The following AFF3 variants were observed in gnomAD, a reference collection of about 807,000 sequenced individuals.
AFF3 encodes AF4/FMR2 family member 3.
Under a neutral mutation model 129.7 loss-of-function variants are expected in AFF3, and 32 were observed. The observed-to-expected ratio is 0.25, with a 90% CI of 0.19 to 0.33. The LOEUF (loss-of-function observed/expected upper bound fraction) is 0.33, where lower values mean the gene tolerates loss of function less well. AFF3 is among the 10% of genes least tolerant of loss of function. The pLI, the probability that AFF3 is intolerant of heterozygous loss-of-function variation, is 1.00. For synonymous variants in AFF3, 644 were observed against 635.4 expected (o/e 1.01, Z -0.20); for missense variants, 1,373 against 1,592.0 (o/e 0.86, Z 2.34).
At chr2:99,844,394 C>T (rs1689557615) in intron 7 of AFF3, among the ~76,000 whole-genome samples, 1 of 151,222 alleles carries the variant, frequency 6.6e-6, no homozygotes, top group South Asian at 2.1e-4. Flanking sequence ...TGCGTAATTT[C>T]TCCCCATTCC....
At chr2:100,000,008 A>C (rs2104670642) in intron 7 of AFF3, among the ~76,000 whole-genome samples, 1 of 152,302 alleles carries the variant, frequency 6.6e-6, no homozygotes, top group South Asian at 2.1e-4. Context: ...CCACATGAGT[A>C]GCTATGGAAT....
At chr2:99,902,207 A>C (rs772623895) in intron 7 of AFF3, among the ~76,000 whole-genome samples, 1 of 151,982 alleles carries the variant, frequency 6.6e-6, no homozygotes, top group Non-Finnish European at 1.5e-5. Context: ...TTTAATAAAT[A>C]GTATAAATAA....
chr2:100,016,442 G>A (rs1270545430), intron 4 of AFF3, among the ~76,000 whole-genome samples: 2 of 147,590 alleles, frequency 1.4e-5, no homozygotes, highest in African/African-American at 5.0e-5. Context: ...GTGGTGATGT[G>A]GTGGTGGAGA....
rs535977037 is a variant in AFF3 at position 99,795,127 on chromosome 2, G to A, written c.921+42350C>T. Among the ~76,000 whole-genome samples, 660 of 152,166 alleles carry A rather than the reference G, an allele frequency of 4.3e-3. 4 individuals carry two copies. Among genetic ancestry groups the A allele is most frequent in the African/African-American group, 0.015 (631 of 41,532 alleles). ...TAGCAATGATATGGAATCAACCTAA[G>A]TGCCCATCAATGGATGATTGGACAG... On this transcript the variant is annotated intron_variant, in intron 8 of 24. Coordinates refer to ENST00000672756, the MANE Select transcript of AFF3 (RefSeq NM_001386135.1).
intron 11 of AFF3, among the ~76,000 whole-genome samples, chr2:99,700,817 G>A (rs1676777628): frequency 6.6e-6 from 1 of 152,196 alleles, no homozygotes; most frequent in Non-Finnish European, 1.5e-5. Flanking sequence ...GGGGGAAGGA[G>A]GAAGCACAGA....
chr2:100,074,223 C>A (rs1688419292), intron 4 of AFF3, among the ~76,000 whole-genome samples: 1 of 152,238 alleles, frequency 6.6e-6, no homozygotes, highest in Non-Finnish European at 1.5e-5. Flanking sequence ...CCCCTCACTC[C>A]TTGGAATTTC....
At chr2:99,938,513 C>T (rs900692092) in intron 7 of AFF3, among the ~76,000 whole-genome samples, 2 of 152,162 alleles carry the variant, frequency 1.3e-5, no homozygotes, top group South Asian at 2.1e-4. Context: ...AGTACCCAGA[C>T]ATTTGGTAAA....
At chr2:100,001,033 T>C (rs1435055912) in intron 7 of AFF3, among the ~76,000 whole-genome samples, 3 of 152,222 alleles carry the variant, frequency 2.0e-5, no homozygotes, top group African/African-American at 4.8e-5. Flanking sequence ...CCGGGGGTTC[T>C]TGAGCAGCCC....
intron 8 of AFF3, among the ~76,000 whole-genome samples, chr2:99,798,424 T>A (rs1031344228): frequency 6.6e-6 from 1 of 151,942 alleles, no homozygotes; most frequent in Non-Finnish European, 1.5e-5. Flanking sequence ...GTTAGGATTG[T>A]CTATTTTCCA....
chr2:99,834,507 C>T (rs1029939381), intron 8 of AFF3, among the ~76,000 whole-genome samples: 2 of 152,162 alleles, frequency 1.3e-5, no homozygotes, highest in African/African-American at 2.4e-5. Flanking sequence ...GAAGTTACAG[C>T]CTTTCCTCCC....
chr2:99,983,827 G>A (rs1160455901), intron 7 of AFF3, among the ~76,000 whole-genome samples: 3 of 152,064 alleles, frequency 2.0e-5, no homozygotes, highest in Admixed American at 2.0e-4. Flanking sequence ...TTTTGCAATT[G>A]TACTACAGAG....
Position 99,670,559 on chromosome 2 carries a change from G to A in AFF3, c.1143+1979C>T, listed in dbSNP as rs186905316. Among the ~76,000 whole-genome samples the A allele has an allele frequency of 5.1e-3, 779 of 151,996 alleles. 7 individuals are homozygous for A. Among genetic ancestry groups the A allele is most frequent in the African/African-American group, 0.017 (714 of 41,450 alleles). On this transcript the variant is annotated intron_variant, in intron 12 of 24. Transcript: ENST00000672756. ...TCTGTGTGTGTGTGTGTGTGTGTTCGTGCACCGGCTATGCTGCTTCCGGGA... is the reference window on the plus strand; with the variant it reads ...TCTGTGTGTGTGTGTGTGTGTGTTCATGCACCGGCTATGCTGCTTCCGGGA...
chr2:99,724,150 A>T (rs2104972354), intron 11 of AFF3, among the ~76,000 whole-genome samples: 1 of 151,572 alleles, frequency 6.6e-6, no homozygotes, highest in East Asian at 1.9e-4. Flanking sequence ...CAATTTTCCT[A>T]CTTGATTGTG....
At chr2:99,763,204 C>T (rs1222615937) in intron 8 of AFF3, among the ~76,000 whole-genome samples, 2 of 152,182 alleles carry the variant, frequency 1.3e-5, no homozygotes, top group Non-Finnish European at 2.9e-5. Context: ...ACCCAACATC[C>T]CCCTTTAAAC....
chr2:99,936,535 G>A (rs181188164), intron 7 of AFF3, among the ~76,000 whole-genome samples: 33 of 152,264 alleles, frequency 2.2e-4, no homozygotes, highest in East Asian at 7.7e-4. Flanking sequence ...AGGAAATGCC[G>A]TTTGAGGCTG....
At chr2:99,958,249 T>C (rs891996052) in intron 7 of AFF3, among the ~76,000 whole-genome samples, 2 of 151,974 alleles carry the variant, frequency 1.3e-5, no homozygotes, top group African/African-American at 4.8e-5. Flanking sequence ...TTCCAGCACT[T>C]TGGGAAGCTG....
rs35004242 is a variant in AFF3 at position 99,639,690 on chromosome 2, A to AT, written c.1184+9935dup. Among the ~76,000 whole-genome samples, 905 of 142,740 alleles carry AT rather than the reference A, an allele frequency of 6.3e-3. 10 individuals are homozygous for AT. Among genetic ancestry groups the AT allele is most frequent in the African/African-American group, 0.02 (776 of 38,442 alleles). 93.6% of individuals were successfully genotyped at this position (142,740 alleles called of 152,430 possible). On this transcript the variant is annotated intron_variant, in intron 13 of 24. Coordinates refer to ENST00000672756, the MANE Select transcript of AFF3 (RefSeq NM_001386135.1). ...TTTTATGTATTTATTTTTTTAATTA[A>AT]TTTTTTTTTTTTTTTGAGACAGAAT...
At chr2:99,918,036 A>G (rs1695595293) in intron 7 of AFF3, among the ~76,000 whole-genome samples, 1 of 152,096 alleles carries the variant, frequency 6.6e-6, no homozygotes, top group Non-Finnish European at 1.5e-5. Flanking sequence ...AGGTAAAAGA[A>G]AAAACCTTGC....
chr2:99,979,140 A>G (rs1679164287), intron 7 of AFF3, among the ~76,000 whole-genome samples: 1 of 151,064 alleles, frequency 6.6e-6, no homozygotes, highest in Non-Finnish European at 1.5e-5. Flanking sequence ...GTATCCTCAA[A>G]AGATGAGGAC....
Sources: gnomAD v4.1 joint callset for allele counts (sites outside exome capture counted in the v4.1 genomes callset) on GRCh38, gnomAD v4.1.1 for gene constraint, MANE v1.5 for transcripts, NCBI Gene and HGNC (gene_info 2026-07-23, HGNC 2026-07-21) for gene names.